Variants in CD200R1 observed in about 807,000 individuals in gnomAD.
The protein encoded by CD200R1 is cell surface glycoprotein CD200 receptor 1.
In CD200R1, 30 loss-of-function variants were observed where a neutral mutation model predicts 38.1. The observed-to-expected ratio is 0.79, with a 90% CI of 0.59 to 1.07. The LOEUF (loss-of-function observed/expected upper bound fraction) is 1.07, where lower values mean the gene tolerates loss of function less well. Among genes scored for constraint, CD200R1 ranks in the 50% least tolerant of loss-of-function variants. The pLI is 0.00. For missense variants in CD200R1, 372 were observed against 415.4 expected (o/e 0.90, Z 0.91); for synonymous variants, 128 against 152.1 (o/e 0.84, Z 1.16).
At chr3:112,953,962 A>ATG (rs1941029028) in intron 1 of CD200R1, among the ~76,000 whole-genome samples, 1 of 151,880 alleles carries the variant, frequency 6.6e-6, no homozygotes, top group South Asian at 2.1e-4. Context: ...TCTGATATTT[A>ATG]TTCTTTGCCT....
intron 1 of CD200R1, among the ~76,000 whole-genome samples, chr3:112,951,524 C>A (rs79806358): frequency 0.028 from 4,313 of 151,702 alleles, 195 homozygotes; most frequent in East Asian, 0.21. Context: ...ATACAAACAC[C>A]TTACAAATTA....
rs545870997 is a variant in CD200R1, at chr3:112,971,057, C to G, written c.67+3734G>C. Among the ~76,000 whole-genome samples, 12 of 152,258 alleles carry G rather than the reference C, an allele frequency of 7.9e-5. No individual in the cohort carries two copies. In the East Asian group the frequency reaches 2.3e-3, roughly 29 times the overall value. On this transcript the variant is annotated intron_variant, in intron 1 of 7. Coordinates refer to ENST00000308611, the MANE Select transcript of CD200R1 (RefSeq NM_138806.4). ...CTACTTCATGAATGATTCACAAACA[C>G]TAGAGTTTTCTATACAGTCATCCCT...
At chr3:112,926,527 T>C (rs1413623115) in intron 5 of CD200R1, among the ~76,000 whole-genome samples, 1 of 152,164 alleles carries the variant, frequency 6.6e-6, no homozygotes, top group African/African-American at 2.4e-5. Flanking sequence ...ATCCCTGCTG[T>C]ACATAGGAAT....
intron 1 of CD200R1, among the ~76,000 whole-genome samples, chr3:112,973,892 T>C (rs1933369730): frequency 6.6e-6 from 1 of 152,182 alleles, no homozygotes; most frequent in South Asian, 2.1e-4. Flanking sequence ...GTGGCCCAAG[T>C]TCTCTATAAC....
At chr3:112,974,563 C>T (rs1455648663) in intron 1 of CD200R1, among the ~76,000 whole-genome samples, 1 of 151,978 alleles carries the variant, frequency 6.6e-6, no homozygotes, top group Non-Finnish European at 1.5e-5. Context: ...GACAGTAAGA[C>T]AAATTATAGA....
At chr3:112,931,085 A>T (rs771063913) in intron 3 of CD200R1, 21 bp downstream of exon 3, 7 of 1,568,812 alleles carry the variant, frequency 4.5e-6, no homozygotes, top group Non-Finnish European at 3.5e-6. Flanking sequence ...GGTGCTGGCC[A>T]CTAGTAAGGA....
At chr3:112,961,397 A>G (rs1184547209) in intron 1 of CD200R1, among the ~76,000 whole-genome samples, 1 of 152,108 alleles carries the variant, frequency 6.6e-6, no homozygotes, top group Non-Finnish European at 1.5e-5. Context: ...AAAGATTTAA[A>G]TATAAGAAAC....
intron 1 of CD200R1, among the ~76,000 whole-genome samples, chr3:112,948,359 G>A (rs1576142300): frequency 6.6e-6 from 1 of 152,138 alleles, no homozygotes; most frequent in East Asian, 1.9e-4. Context: ...AATCTATGAT[G>A]GGAAAACGGT....
chr3:112,973,417 G>GT (rs369016017), intron 1 of CD200R1, among the ~76,000 whole-genome samples: 488 of 152,274 alleles, frequency 3.2e-3, no homozygotes, highest in Non-Finnish European at 4.5e-3. Context: ...ATGTTTAGTG[G>GT]TGCTTACTGA....
At chr3:112,934,342 C>G (rs1940524248) in intron 2 of CD200R1, among the ~76,000 whole-genome samples, 1 of 151,682 alleles carries the variant, frequency 6.6e-6, no homozygotes, top group Non-Finnish European at 1.5e-5. Flanking sequence ...ATTCAAAGTA[C>G]TGAAAGAAAA....
intron 3 of CD200R1, among the ~76,000 whole-genome samples, chr3:112,930,113 C>A (rs1940391139): frequency 2.1e-5 from 2 of 94,978 alleles, no homozygotes; most frequent in African/African-American, 4.9e-5. Context: ...ACCCACAGAT[C>A]TTTAAAAAAA....
At chr3:112,950,164 T>G (rs571481710) in intron 1 of CD200R1, among the ~76,000 whole-genome samples, 1 of 152,236 alleles carries the variant, frequency 6.6e-6, no homozygotes, top group East Asian at 1.9e-4. Context: ...TGTGGAGAGA[T>G]AGGTATGTCT....
chr3:112,968,567 C>T (rs12233389), intron 1 of CD200R1, among the ~76,000 whole-genome samples: 4,322 of 152,156 alleles, frequency 0.028, 191 homozygotes, highest in East Asian at 0.21. Context: ...CCATTTTTAC[C>T]GATGTTAGTC....
At chr3:112,945,939 A>G (rs2107322338) in intron 2 of CD200R1, among the ~76,000 whole-genome samples, 1 of 151,820 alleles carries the variant, frequency 6.6e-6, no homozygotes, top group Admixed American at 6.6e-5. Context: ...AGGCTGAGGC[A>G]GAAGAATGGC....
chr3:112,940,447 A>T (rs1472556839), intron 2 of CD200R1, among the ~76,000 whole-genome samples: 2 of 151,906 alleles, frequency 1.3e-5, no homozygotes, highest in Non-Finnish European at 3.0e-5. Flanking sequence ...ATATACAAGG[A>T]ATTCAAATAT....
chr3:112,959,156 C>T (rs1477534053), intron 1 of CD200R1, among the ~76,000 whole-genome samples: 2 of 152,116 alleles, frequency 1.3e-5, no homozygotes, highest in East Asian at 3.8e-4. Flanking sequence ...AATTCGGTAA[C>T]TATTACTAAC....
At chr3:112,970,299 A>C (rs899063432) in intron 1 of CD200R1, among the ~76,000 whole-genome samples, 30 of 151,900 alleles carry the variant, frequency 2.0e-4, no homozygotes, top group African/African-American at 4.1e-4. Flanking sequence ...ATGTAGAAAA[A>C]CTCTGAAGTT....
At chr3:112,943,379 C>G (rs1051934824) in intron 2 of CD200R1, among the ~76,000 whole-genome samples, 1 of 151,404 alleles carries the variant, frequency 6.6e-6, no homozygotes, top group African/African-American at 2.4e-5. Flanking sequence ...CTAAATAATG[C>G]ATAGGTGAAA....
chr3:112,968,086 C>T (rs1047157937), intron 1 of CD200R1, among the ~76,000 whole-genome samples: 3 of 152,158 alleles, frequency 2.0e-5, no homozygotes, highest in Admixed American at 1.3e-4. Context: ...GTTAGAATTA[C>T]ATAACTGATC....
Sources: allele counts gnomAD v4.1 joint callset (sites outside exome capture counted in the v4.1 genomes callset), GRCh38; gene constraint gnomAD v4.1.1; transcripts MANE v1.5; gene names NCBI Gene and HGNC (gene_info 2026-07-23, HGNC 2026-07-21).